Variants in NRG3 observed in about 807,000 individuals in gnomAD.
The protein encoded by NRG3 is pro-neuregulin-3, membrane-bound isoform.
In NRG3, 31 loss-of-function variants were observed where a neutral mutation model predicts 66.9. That is an observed-to-expected ratio of 0.46 (90% CI 0.35 to 0.63). The LOEUF (loss-of-function observed/expected upper bound fraction) is 0.63. NRG3 is among the 20% of genes least tolerant of loss of function. The pLI, the probability that NRG3 is intolerant of heterozygous loss-of-function variation, is 0.00. For missense variants in NRG3, 910 were observed against 878.9 expected, an observed-to-expected ratio of 1.04 and a Z score of -0.45; for synonymous variants, 393 against 359.4, an observed-to-expected ratio of 1.09 and a Z score of -1.06.
chr10:82,844,685 T>TC (rs2063222612), intron 3 of NRG3, among the ~76,000 whole-genome samples: 1 of 151,930 alleles, frequency 6.6e-6, no homozygotes, highest in African/African-American at 2.4e-5. Context: ...TTTTTTTTTT[T>TC]TTCCAAATAA....
chr10:82,643,578 G>A (rs951279559), intron 2 of NRG3, among the ~76,000 whole-genome samples: 7 of 151,992 alleles, frequency 4.6e-5, no homozygotes, highest in East Asian at 1.9e-4. Context: ...AGATCAGAGG[G>A]TCTAAAACCT....
chr10:82,818,055 G>A (rs1479690032), intron 3 of NRG3, among the ~76,000 whole-genome samples: 1 of 152,234 alleles, frequency 6.6e-6, no homozygotes, highest in African/African-American at 2.4e-5. Flanking sequence ...GGCAGTGCGT[G>A]GAGAGTAGCC....
intron 4 of NRG3, among the ~76,000 whole-genome samples, chr10:82,894,566 T>TACGTTCC (rs113582843): frequency 0.66 from 100,329 of 151,196 alleles, 33,315 homozygotes; most frequent in South Asian, 0.72. Flanking sequence ...TTTTCTCCTG[T>TACGTTCC]ACTTAGAGTC....
At chr10:82,233,587 A>G (rs2076605833) in intron 1 of NRG3, among the ~76,000 whole-genome samples, 1 of 152,106 alleles carries the variant, frequency 6.6e-6, no homozygotes, top group Admixed American at 6.5e-5. Flanking sequence ...TCTATCTTCT[A>G]ATGACTTGCC....
At chr10:82,223,101 A>T (rs925817239) in intron 1 of NRG3, among the ~76,000 whole-genome samples, 5 of 152,144 alleles carry the variant, frequency 3.3e-5, no homozygotes, top group Non-Finnish European at 5.9e-5. Context: ...ATTCACTAGG[A>T]AACAGAACCC....
intron 4 of NRG3, among the ~76,000 whole-genome samples, chr10:82,895,743 G>A (rs1001568062): frequency 4.6e-5 from 7 of 152,118 alleles, no homozygotes; most frequent in East Asian, 3.9e-4. Context: ...GCCCGCCTTG[G>A]CCTCCCAAAA....
At chr10:82,443,085 G>T (rs747752643) in intron 2 of NRG3, among the ~76,000 whole-genome samples, 1 of 152,018 alleles carries the variant, frequency 6.6e-6, no homozygotes, top group Non-Finnish European at 1.5e-5. Flanking sequence ...GAGAAGAAAG[G>T]GTTATAGATC....
At chr10:82,217,466 T>C (rs1589354587) in intron 1 of NRG3, among the ~76,000 whole-genome samples, 1 of 152,334 alleles carries the variant, frequency 6.6e-6, no homozygotes, top group East Asian at 1.9e-4. Context: ...TGTGTTTTAA[T>C]GTGCTCTTGA....
At chr10:82,677,044 TTC>T (rs3040206) in intron 2 of NRG3, among the ~76,000 whole-genome samples, 5 of 148,152 alleles carry the variant, frequency 3.4e-5, no homozygotes, top group East Asian at 2.0e-4. Context: ...CTTTCTTTCT[TTC>T]TCTCTCTCTC....
At chr10:82,812,778 A>C (rs967335764) in intron 3 of NRG3, among the ~76,000 whole-genome samples, 19 of 152,222 alleles carry the variant, frequency 1.2e-4, no homozygotes, top group Admixed American at 6.5e-5. Flanking sequence ...AGAAACTAAC[A>C]TGTAGACATT....
chr10:82,812,369 A>G (rs921226484), intron 3 of NRG3, among the ~76,000 whole-genome samples: 2 of 152,240 alleles, frequency 1.3e-5, no homozygotes, highest in Non-Finnish European at 2.9e-5. Context: ...GCAAATTACT[A>G]GAACCAACCA....
At chr10:82,264,465 G>A (rs2078197060) in intron 1 of NRG3, among the ~76,000 whole-genome samples, 2 of 152,006 alleles carry the variant, frequency 1.3e-5, no homozygotes, top group Non-Finnish European at 1.5e-5. Flanking sequence ...TGACACATGG[G>A]GATTATTACA....
chr10:81,942,438 C>T (rs1428690491), intron 1 of NRG3, among the ~76,000 whole-genome samples: 1 of 152,078 alleles, frequency 6.6e-6, no homozygotes, highest in Non-Finnish European at 1.5e-5. Flanking sequence ...AAAGTTGTTT[C>T]CAAAATAATA....
At chr10:82,742,691 G>A (rs1270479166) in intron 3 of NRG3, among the ~76,000 whole-genome samples, 3 of 152,074 alleles carry the variant, frequency 2.0e-5, no homozygotes, top group African/African-American at 7.2e-5. Flanking sequence ...TTCTTGAAGG[G>A]CATATTTCTG....
At chr10:82,738,709 A>G (rs1393261936) in intron 3 of NRG3, 59 bp downstream of exon 3, 1 of 1,393,054 alleles carries the variant, frequency 7.2e-7, no homozygotes, top group African/African-American at 1.4e-5. Flanking sequence ...TATTCTGAGC[A>G]ATGGTTGTTA....
At chr10:82,530,654 GA>G (rs1847156971) in intron 2 of NRG3, among the ~76,000 whole-genome samples, 1 of 151,786 alleles carries the variant, frequency 6.6e-6, no homozygotes, top group Admixed American at 6.6e-5. Context: ...AGAGTTCCCA[GA>G]AAGATAAGAC....
At chr10:82,256,315 G>A (rs1171660607) in intron 1 of NRG3, among the ~76,000 whole-genome samples, 4 of 152,194 alleles carry the variant, frequency 2.6e-5, no homozygotes, top group African/African-American at 7.2e-5. Context: ...ATACTCAGAT[G>A]TATCTACCTT....
intron 2 of NRG3, among the ~76,000 whole-genome samples, chr10:82,661,966 G>T (rs570474961): frequency 1.3e-5 from 2 of 152,166 alleles, no homozygotes; most frequent in Admixed American, 6.5e-5. Flanking sequence ...TCTGCTGGGG[G>T]TGGGGACCTA....
intron 1 of NRG3, among the ~76,000 whole-genome samples, chr10:81,971,006 G>T (rs2059913621): frequency 6.6e-6 from 1 of 152,124 alleles, no homozygotes; most frequent in Non-Finnish European, 1.5e-5. Context: ...TGGGCATGGT[G>T]GTGGGCCCCT....
Sources: allele counts gnomAD v4.1 joint callset (sites outside exome capture counted in the v4.1 genomes callset), GRCh38; gene constraint gnomAD v4.1.1; transcripts MANE v1.5; gene names NCBI Gene and HGNC (gene_info 2026-07-23, HGNC 2026-07-21).